Variants in CAND2 observed in about 807,000 individuals in gnomAD.
CAND2 encodes the protein cullin-associated NEDD8-dissociated protein 2.
A neutral mutation model predicts 98.9 loss-of-function variants in CAND2; 62 were observed. That is an observed-to-expected ratio of 0.63 (90% CI 0.51 to 0.77). The LOEUF is 0.77. CAND2 is among the 30% of genes least tolerant of loss of function. The pLI is 0.00. For missense variants in CAND2, 1,501 were observed against 1,655.2 expected (o/e 0.91, Z 1.62); for synonymous variants, 770 against 731.9 (o/e 1.05, Z -0.84).
chr3:12,820,016 C>A, intron 10 of CAND2, 70 bp from the exon 11 acceptor site: 1 of 1,236,318 alleles, frequency 8.1e-7, no homozygotes, highest in South Asian at 1.2e-5. Flanking sequence ...GGAGCCTAAG[C>A]ACCTTCTGAT....
At chr3:12,829,433 C>T (rs1321521088) in intron 13 of CAND2, among the ~76,000 whole-genome samples, 1 of 152,216 alleles carries the variant, frequency 6.6e-6, no homozygotes, top group Non-Finnish European at 1.5e-5. Context: ...AGGCATGAGC[C>T]ACCACGCCCG....
At chr3:12,809,577 C>G (rs1185633544) in intron 4 of CAND2, among the ~76,000 whole-genome samples, 1 of 152,134 alleles carries the variant, frequency 6.6e-6, no homozygotes, top group Non-Finnish European at 1.5e-5. Flanking sequence ...GCTGTGTGCG[C>G]AGAAACCATT....
rs368809458 is a variant in CAND2 at position 12,807,360 on chromosome 3, C to T, written c.267C>T (p.Asp89=). The change falls in exon 3 of 15, where the codon GAC becomes GAT. Residue 89 remains aspartate (D), a synonymous_variant. Coordinates refer to ENST00000456430, the MANE Select transcript of CAND2 (RefSeq NM_001162499.2). ...AGTACCAGGTGGAGACCATTGTGGA[C>T]ACCCTGTGCACCAACATGCGGTCAG... ...VKEYQVETIV[D]TLCTNMRSDK... The T allele has an allele frequency of 7.1e-6, 11 of 1,551,614 alleles. No individual in the cohort carries two copies. The highest frequency in any genetic ancestry group is 1.2e-5 in the South Asian group (1 of 84,070).
intron 4 of CAND2, 146 bp from the exon 5 acceptor site, chr3:12,809,913 C>T (rs748205721): frequency 6.7e-5 from 56 of 836,862 alleles, no homozygotes; most frequent in Non-Finnish European, 9.3e-5. Flanking sequence ...AATTCCTCCT[C>T]ACAGTTGCAG....
intron 14 of CAND2, 119 bp downstream of exon 14, chr3:12,831,691 C>T (rs1373581916): frequency 9.6e-6 from 6 of 625,440 alleles, no homozygotes; most frequent in South Asian, 6.0e-5. Flanking sequence ...GAAAGTGCTT[C>T]ATTTAATCAT....
chr3:12,802,557 A>G (rs1168221029), intron 1 of CAND2, among the ~76,000 whole-genome samples: 3 of 152,222 alleles, frequency 2.0e-5, no homozygotes, highest in Non-Finnish European at 1.5e-5. Context: ...TAAATGGCTG[A>G]GGCGGGGGCC....
rs974805981 is a variant in CAND2, at chr3:12,816,665, T to G, written c.1733T>G (p.Leu578Arg). ...GEMSAVTLAR[L>R]RATDLDQEVK... Reference sequence around the variant, plus strand: ...ATGTCTGCTGTCACCCTGGCGCGACTTCGTGCCACTGACCTGGACCAGGAG... The same window carrying G: ...ATGTCTGCTGTCACCCTGGCGCGACGTCGTGCCACTGACCTGGACCAGGAG... The change falls in exon 10 of 15, where the codon CTT becomes CGT. Residue 578 changes from leucine to arginine, a missense_variant. Around this residue, in one of 3 missense-constraint regions of CAND2, gnomAD observed 1,427 missense variants for 1,545.3 expected, o/e 0.92. Transcript: ENST00000456430. The G allele has an allele frequency of 1.2e-6, 2 of 1,613,772 alleles. No homozygotes were observed. Among genetic ancestry groups the G allele is most frequent in the Non-Finnish European group, 1.7e-6 (2 of 1,180,024 alleles).
At chr3:12,823,866 C>T (rs1265194862) in intron 11 of CAND2, among the ~76,000 whole-genome samples, 6 of 152,212 alleles carry the variant, frequency 3.9e-5, no homozygotes, top group Non-Finnish European at 8.8e-5. Flanking sequence ...CACTGTACTC[C>T]GTCCTGGGCG....
intron 1 of CAND2, among the ~76,000 whole-genome samples, chr3:12,800,737 G>GTT (rs538723882): frequency 3.2e-4 from 49 of 151,126 alleles, no homozygotes; most frequent in African/African-American, 1.1e-3. Flanking sequence ...TTTTGTTTTT[G>GTT]TTTTTTTTTG....
Position 12,796,768 on chromosome 3 carries a change from G to T in CAND2, c.48G>T (p.Thr16=). 1 of 1,589,458 alleles carries T rather than the reference G, an allele frequency of 6.3e-7. No homozygotes were observed. Among genetic ancestry groups the T allele is most frequent in the Non-Finnish European group, 8.6e-7 (1 of 1,167,566 alleles). The change falls in exon 1 of 15, where the codon ACG becomes ACT. Residue 16 remains threonine, a synonymous_variant. Transcript: ENST00000456430. ...TCTCCAGCCTCCTGGAGAAGATGAC[G>T]TCCAGCGACAAGGACTTCAGGTGCA... ...FHISSLLEKM[T]SSDKDFRFMA...
chr3:12,798,222 C>T (rs1326668978), intron 1 of CAND2, among the ~76,000 whole-genome samples: 9 of 152,148 alleles, frequency 5.9e-5, no homozygotes, highest in South Asian at 2.1e-4. Flanking sequence ...AAATCTGCCA[C>T]GCCCTGTCCC....
chr3:12,818,926 T>A (rs972927548), intron 10 of CAND2, among the ~76,000 whole-genome samples: 1 of 152,216 alleles, frequency 6.6e-6, no homozygotes, highest in Non-Finnish European at 1.5e-5. Flanking sequence ...CTGCTTTGCC[T>A]AAACACCTAT....
At chr3:12,801,284 C>T (rs917084104) in intron 1 of CAND2, among the ~76,000 whole-genome samples, 1 of 151,456 alleles carries the variant, frequency 6.6e-6, no homozygotes, top group Admixed American at 6.6e-5. Context: ...GTGATCCACC[C>T]GCCTCAGCCT....
rs1055590429 is a variant in CAND2 at position 12,808,254 on chromosome 3, C to T, written c.412C>T (p.Leu138Phe). 16 of 1,551,422 alleles carry T rather than the reference C, an allele frequency of 1.0e-5. No homozygotes were observed. Among genetic ancestry groups the T allele is most frequent in the Non-Finnish European group, 1.3e-5 (15 of 1,146,986 alleles). Residue 138 changes from leucine (L) to phenylalanine (F), a missense_variant, in exon 4 of 15, where the codon CTC (leucine) becomes TTC (phenylalanine). This residue lies in a region of CAND2 where 1,427 missense variants were observed against 1,545.3 expected (regional missense o/e 0.92). Coordinates refer to ENST00000456430, the MANE Select transcript of CAND2 (RefSeq NM_001162499.2). ...TNVCRKITGQ[L>F]TSAIAQQEDV... ...CGTGTGCCGGAAGATCACAGGCCAG[C>T]TCACCAGTGCCATTGCCCAGCAGGA...
Position 12,815,661 on chromosome 3 carries a change from A to G in CAND2, c.1300-206A>G, listed in dbSNP as rs1200998836. Among the ~76,000 whole-genome samples the G allele has an allele frequency of 6.6e-6, 1 of 152,138 alleles. No homozygotes were observed. The highest frequency in any genetic ancestry group is 1.5e-5 in the Non-Finnish European group (1 of 68,008). ...AGTTGCTTGGTCTCTCTGTACCTGT[A>G]AAATGGACGCAGAAAATTTGCCTAC... On this transcript the variant is annotated intron_variant, in intron 8 of 14. Coordinates refer to ENST00000456430, the MANE Select transcript of CAND2 (RefSeq NM_001162499.2). The surrounding 1 kb of genome is among the most constrained non-coding windows in gnomAD (Gnocchi z 5.7).
Position 12,810,254 on chromosome 3 carries a change from C to A in CAND2, c.687C>A (p.Thr229=). 1.3e-6 allele frequency: 2 copies of A among 1,518,120 alleles called. No individual in the cohort carries two copies. Among genetic ancestry groups the A allele is most frequent in the Non-Finnish European group, 1.8e-6 (2 of 1,135,278 alleles). The allele number at this position is 1,518,120 out of a possible 1,614,324, so 94.0% of individuals were successfully genotyped here. ...GGCTGCCCGGCCCGCGGGTGCCCAC[C>A]AGCCCGACTGCCATCCGCACCCTGA... ...LDRLPGPRVP[T]SPTAIRTLIQ... is the part of the protein sequence containing the mutation. Residue 229 remains threonine (T), a synonymous_variant, in exon 5 of 15, where the codon ACC becomes ACA. Coordinates refer to ENST00000456430, the MANE Select transcript of CAND2 (RefSeq NM_001162499.2).
intron 1 of CAND2, among the ~76,000 whole-genome samples, chr3:12,801,401 G>C (rs2061765630): frequency 6.6e-6 from 1 of 152,156 alleles, no homozygotes; most frequent in African/African-American, 2.4e-5. Flanking sequence ...TTAAATTTTT[G>C]AAAACATGTT....
At chr3:12,807,779 T>A (rs1237658960) in intron 3 of CAND2, among the ~76,000 whole-genome samples, 1 of 152,194 alleles carries the variant, frequency 6.6e-6, no homozygotes, top group Non-Finnish European at 1.5e-5. Flanking sequence ...AGTGGCTCAA[T>A]GTTGACAGGG....
At chr3:12,826,475 T>C (rs950223344) in intron 12 of CAND2, among the ~76,000 whole-genome samples, 22 of 152,176 alleles carry the variant, frequency 1.4e-4, no homozygotes, top group Non-Finnish European at 2.5e-4. Context: ...TCACCTAGGC[T>C]GGAGTGCAGT....
Sources: gnomAD v4.1 joint callset for allele counts (sites outside exome capture counted in the v4.1 genomes callset) on GRCh38, gnomAD v4.1.1 for gene constraint, gnomAD v4.1.1 regional missense constraint, Gnocchi (gnomAD v3.1) non-coding constraint, MANE v1.5 for transcripts, NCBI Gene and HGNC (gene_info 2026-07-23, HGNC 2026-07-21) for gene names.